PCDHGB3: variants seen among roughly 807,000 people sequenced by gnomAD.
PCDHGB3 encodes protocadherin gamma-B3.
PCDHGB3 carries 40 observed loss-of-function variants against 59.2 expected under a neutral mutation model. The ratio of observed to expected loss-of-function variants is 0.68; its 90% CI spans 0.52 to 0.88. PCDHGB3 has a LOEUF of 0.88. Ranked by LOEUF, PCDHGB3 falls within the 40% of genes least tolerant of loss-of-function variation. The probability of loss-of-function intolerance (pLI) is 0.00; values close to 1 mark genes in which losing one functional copy is unlikely to be tolerated. For synonymous variants in PCDHGB3, 581 were observed against 503.6 expected, an observed-to-expected ratio of 1.15 and a Z score of -2.06; for missense variants, 1,309 against 1,187.9, an observed-to-expected ratio of 1.10 and a Z score of -1.50.
In PCDHGB3 at chr5:141,432,250, A is replaced by G. The variant is rs777728825; in HGVS notation, c.2415+59441A>G. 2 of 1,614,234 alleles carry G rather than the reference A, an allele frequency of 1.2e-6. No homozygotes were observed. Among genetic ancestry groups the G allele is most frequent in the Admixed American group, 1.7e-5 (1 of 60,026 alleles). ...ATTCCCTGGCTGAGAACACCATCCA[A>G]GGGGCAAGCCTATCGTCCTACGTGT... On this transcript the variant is annotated intron_variant, in intron 1 of 3. Transcript: ENST00000576222. The surrounding 1 kb of genome is among the most constrained non-coding windows in gnomAD (Gnocchi z 6.0).
chr5:141,385,109 C>T (rs931773405), intron 1 of PCDHGB3: 5 of 1,614,174 alleles, frequency 3.1e-6, no homozygotes, highest in Non-Finnish European at 4.2e-6. Flanking sequence ...AACGTGCCCA[C>T]CTCGCACTTT....
rs934816631 is a variant in PCDHGB3, at chr5:141,378,863, G to A, written c.2415+6054G>A. 6 of 152,136 alleles carry A rather than the reference G, an allele frequency of 3.9e-5. No individual in the cohort carries two copies. The East Asian group carries it at 7.7e-4, about 20-fold the overall frequency. The allele number at this position is 152,136 out of a possible 1,614,324, so 9.4% of individuals were successfully genotyped here. ...GAGTTTTTGACTGTCAATGATGTTC[G>A]AATAGAAAATGGATCACTAAGGAGA... On this transcript the variant is annotated intron_variant, in intron 1 of 3. Transcript: ENST00000576222.
Position 141,372,265 on chromosome 5 carries a change from G to A in PCDHGB3, c.1871G>A (p.Gly624Asp). The A allele has an allele frequency of 6.2e-7, 1 of 1,613,132 alleles. No homozygotes were observed. Among genetic ancestry groups the A allele is most frequent in the African/African-American group, 1.3e-5 (1 of 75,050 alleles). ...CTGTTCAGCCTGGGCCTGCGCACGG[G>A]TGAGGTGCGCACGGCGCGTACCTTG... The part of the protein sequence containing the change: ...PGLFSLGLRT[G>D]EVRTARTLGD... Residue 624 changes from glycine (G) to aspartate (D), a missense_variant, in exon 1 of 4, where the codon GGT becomes GAT. Transcript: ENST00000576222.
At position 141,370,900 on chromosome 5, in the gene PCDHGB3, A is replaced by G. The variant is rs1561548541; in HGVS notation, c.506A>G (p.Gln169Arg). ...GATGTAGGTGTCAATTCGCTGCAGC[A>G]GTACTACCTCAGCCCTGATCCGCAC... ...DPDVGVNSLQ[Q>R]YYLSPDPHFS... The change falls in exon 1 of 4, where the codon CAG becomes CGG. Residue 169 changes from glutamine (Q) to arginine (R), a missense_variant. Transcript: ENST00000576222. The G allele has an allele frequency of 6.2e-7, 1 of 1,613,950 alleles. No homozygotes were observed. Among genetic ancestry groups the G allele is most frequent in the African/African-American group, 1.3e-5 (1 of 74,946 alleles).
intron 1 of PCDHGB3, chr5:141,395,290 T>A: frequency 6.5e-7 from 1 of 1,529,840 alleles, no homozygotes; most frequent in Non-Finnish European, 8.8e-7. Flanking sequence ...TTATTTGGCA[T>A]AAATTATGTT....
chr5:141,387,851 C>T, intron 1 of PCDHGB3: 5 of 1,596,536 alleles, frequency 3.1e-6, no homozygotes, highest in Non-Finnish European at 4.3e-6. Flanking sequence ...CCGGCGTCTC[C>T]AGGCTGGTGA....
intron 1 of PCDHGB3, chr5:141,392,803 G>A: frequency 6.4e-7 from 1 of 1,573,156 alleles, no homozygotes. Context: ...GGATTCTGCA[G>A]CAAAACAACA....
chr5:141,432,503 G>T lies in PCDHGB3; in HGVS notation c.2415+59694G>T, dbSNP rs939325676. 8.7e-6 allele frequency: 14 copies of T among 1,613,988 alleles called. No homozygotes were observed. The highest frequency in any genetic ancestry group is 1.3e-5 in the African/African-American group (1 of 74,930). ...TGGCGTGGAGCTGGCTCCCCGCTCC[G>T]CAGAGCCCGGCTACCTGGTGACCAA... On this transcript the variant is annotated intron_variant, in intron 1 of 3. Transcript: ENST00000576222. The surrounding 1 kb of genome is among the most constrained non-coding windows in gnomAD (Gnocchi z 6.0).
At chr5:141,506,680 A>G (rs949777571) in intron 3 of PCDHGB3, among the ~76,000 whole-genome samples, 1 of 152,212 alleles carries the variant, frequency 6.6e-6, no homozygotes, top group Non-Finnish European at 1.5e-5. Context: ...ATATATTATT[A>G]TCTTTGCTGA....
At position 141,423,255 on chromosome 5, in the gene PCDHGB3, C is replaced by T. The variant is rs368969800; in HGVS notation, c.2415+50446C>T. ...GCATCCCCGAAGTCCTGGCGGACCT[C>T]GGCAGCCTCGAGTCTCTGGCTAACT... On this transcript the variant is annotated intron_variant, in intron 1 of 3. Transcript: ENST00000576222. 2.0e-5 allele frequency: 33 copies of T among 1,613,930 alleles called. No homozygotes were observed. In the East Asian group the frequency reaches 3.8e-4, roughly 19 times the overall value.
At chr5:141,410,189 G>A in intron 1 of PCDHGB3, 1 of 1,613,992 alleles carries the variant, frequency 6.2e-7, no homozygotes, top group Non-Finnish European at 8.5e-7. Context: ...GCTTCATCTG[G>A]TCTTCGCAGA....
Position 141,431,991 on chromosome 5 carries a change from A to G in PCDHGB3, c.2415+59182A>G. 1.2e-6 allele frequency: 2 copies of G among 1,614,218 alleles called. No individual in the cohort carries two copies. The highest frequency in any genetic ancestry group is 1.7e-6 in the Non-Finnish European group (2 of 1,180,042). On this transcript the variant is annotated intron_variant, in intron 1 of 3. Transcript: ENST00000576222. The surrounding 1 kb of genome is among the most constrained non-coding windows in gnomAD (Gnocchi z 4.8). The stretch of plus-strand genomic sequence containing the variant: ...AGTTTAGTCACAGACATAGTCTTGG[A>G]TAGGGAACAGGTTCCTAGCTACAAC...
rs753051237 is a variant in PCDHGB3, at chr5:141,490,422, A to G, written c.2416-4385A>G. On this transcript the variant is annotated intron_variant, in intron 1 of 3. Coordinates refer to ENST00000576222, the MANE Select transcript of PCDHGB3 (RefSeq NM_018924.5). This position sits in a 1 kb window ranked among gnomAD's most constrained non-coding sequence, Gnocchi z 5.4. Reference sequence around the variant, plus strand: ...GCCTTGATATCTCTCCGGACCTGCCATTTCAGATTAAGCCTTCTGAGAACC... The same window carrying G: ...GCCTTGATATCTCTCCGGACCTGCCGTTTCAGATTAAGCCTTCTGAGAACC... 1 of 1,614,178 alleles carries G rather than the reference A, an allele frequency of 6.2e-7. No individual in the cohort carries two copies. The highest frequency in any genetic ancestry group is 1.7e-5 in the Admixed American group (1 of 60,030).
chr5:141,389,424 G>A lies in PCDHGB3; in HGVS notation c.2415+16615G>A, dbSNP rs746873845. 51 of 1,613,390 alleles carry A rather than the reference G, an allele frequency of 3.2e-5. No homozygotes were observed. Among genetic ancestry groups the A allele is most frequent in the East Asian group, 8.9e-5 (4 of 44,896 alleles). The stretch of plus-strand genomic sequence containing the variant: ...AAGCGCGGAGAGCGGGGTGGTGTTC[G>A]CGCAGCGCGCCTTCGACCACGAGCA... On this transcript the variant is annotated intron_variant, in intron 1 of 3. Transcript: ENST00000576222.
chr5:141,423,219 T>G (rs775170753), intron 1 of PCDHGB3: 4 of 1,613,752 alleles, frequency 2.5e-6, no homozygotes, highest in Non-Finnish European at 3.4e-6. Context: ...TCACCGTGGC[T>G]GTGGCCGACA....
chr5:141,376,438 T>C lies in PCDHGB3; in HGVS notation c.2415+3629T>C, dbSNP rs752669729. 6.2e-6 allele frequency: 10 copies of C among 1,614,058 alleles called. No homozygotes were observed. The Admixed American group carries it at 8.3e-5, about 13-fold the overall frequency. On this transcript the variant is annotated intron_variant, in intron 1 of 3. Coordinates refer to ENST00000576222, the MANE Select transcript of PCDHGB3 (RefSeq NM_018924.5). ...ACACGCTTATCAACCAGGAGAGCTA[T>C]GAGAAAAGCGAGCCTCTTCTGATAA...
intron 1 of PCDHGB3, among the ~76,000 whole-genome samples, chr5:141,470,239 A>G (rs978204909): frequency 1.3e-5 from 2 of 152,232 alleles, no homozygotes; most frequent in African/African-American, 2.4e-5. Flanking sequence ...AAACCCTTGA[A>G]TGTCCCACCT....
chr5:141,490,808 A>C lies in PCDHGB3; in HGVS notation c.2416-3999A>C. On this transcript the variant is annotated intron_variant, in intron 1 of 3. Coordinates refer to ENST00000576222, the MANE Select transcript of PCDHGB3 (RefSeq NM_018924.5). The surrounding 1 kb of genome is among the most constrained non-coding windows in gnomAD (Gnocchi z 5.4). The stretch of plus-strand genomic sequence containing the variant: ...CGGATCTTTGCCCAGCGTACCTTTG[A>C]CTATGAATTGCTGCAGATGCTGCAG... 1 of 1,613,884 alleles carries C rather than the reference A, an allele frequency of 6.2e-7. No homozygotes were observed. The highest frequency in any genetic ancestry group is 8.5e-7 in the Non-Finnish European group (1 of 1,179,874).
chr5:141,448,639 T>A (rs1248697237), intron 1 of PCDHGB3, among the ~76,000 whole-genome samples: 1 of 152,148 alleles, frequency 6.6e-6, no homozygotes, highest in Admixed American at 6.6e-5. Flanking sequence ...CATTATATCC[T>A]TTAAAAATAT....
Sources: gnomAD v4.1 joint callset for allele counts (sites outside exome capture counted in the v4.1 genomes callset) on GRCh38, gnomAD v4.1.1 for gene constraint, Gnocchi (gnomAD v3.1) non-coding constraint, MANE v1.5 for transcripts, NCBI Gene and HGNC (gene_info 2026-07-23, HGNC 2026-07-21) for gene names.